The following MTOR variants were observed in gnomAD, a reference collection of about 807,000 sequenced individuals.
MTOR encodes mechanistic target of rapamycin kinase.
MTOR carries 70 observed loss-of-function variants against 319.8 expected under a neutral mutation model. The observed-to-expected ratio is 0.22, with a 90% confidence interval of 0.18 to 0.27. The LOEUF (loss-of-function observed/expected upper bound fraction) is 0.27, where lower values mean the gene tolerates loss of function less well. Among genes scored for constraint, MTOR ranks in the 10% least tolerant of loss-of-function variants. The probability of loss-of-function intolerance (pLI) is 1.00; values close to 1 mark genes in which losing one functional copy is unlikely to be tolerated. For synonymous variants in MTOR, 1,183 were observed against 1,211.4 expected (o/e 0.98, Z 0.49); for missense variants, 1,890 against 3,274.4 (o/e 0.58, Z 10.32).
At chr1:11,192,622 G>T (rs1281896843) in intron 28 of MTOR, among the ~76,000 whole-genome samples, 2 of 151,874 alleles carry the variant, frequency 1.3e-5, no homozygotes, top group African/African-American at 4.8e-5. Flanking sequence ...GCCAGGCATG[G>T]TGGTGGGCAC....
chr1:11,258,882 CCT>C (rs1325103290), intron 2 of MTOR, among the ~76,000 whole-genome samples: 1 of 152,194 alleles, frequency 6.6e-6, no homozygotes, highest in Non-Finnish European at 1.5e-5. Flanking sequence ...CTGTCTCTGA[CCT>C]CAAGTCTGGT....
intron 29 of MTOR, among the ~76,000 whole-genome samples, chr1:11,164,583 T>C (rs1428163002): frequency 3.3e-5 from 5 of 152,154 alleles, no homozygotes; most frequent in Non-Finnish European, 7.4e-5. Flanking sequence ...TAACTGGCTC[T>C]GAAATTGAGG....
At chr1:11,155,386 C>T (rs1644286137) in intron 30 of MTOR, among the ~76,000 whole-genome samples, 2 of 151,964 alleles carry the variant, frequency 1.3e-5, no homozygotes, top group Admixed American at 6.6e-5. Context: ...CACACCTTGG[C>T]ATACTGAATA....
chr1:11,201,301 G>C (rs1480451627), intron 26 of MTOR, among the ~76,000 whole-genome samples: 4 of 152,146 alleles, frequency 2.6e-5, no homozygotes, highest in Admixed American at 6.5e-5. Context: ...AGAGGTGACT[G>C]GAGAGAAAAG....
intron 11 of MTOR, among the ~76,000 whole-genome samples, chr1:11,239,784 A>G (rs1647748779): frequency 6.6e-6 from 1 of 152,072 alleles, no homozygotes; most frequent in Non-Finnish European, 1.5e-5. Flanking sequence ...ACGCGCCTAT[A>G]GTCCCAGCTA....
At chr1:11,253,213 T>C (rs1649929942) in intron 6 of MTOR, among the ~76,000 whole-genome samples, 1 of 152,104 alleles carries the variant, frequency 6.6e-6, no homozygotes, top group Non-Finnish European at 1.5e-5. Context: ...TTGAAGGCTG[T>C]TTCCCTAATA....
Position 11,115,503 on chromosome 1 carries a change from A to T in MTOR, c.7017-35T>A. The T allele has an allele frequency of 1.3e-6, 2 of 1,591,682 alleles. No individual in the cohort carries two copies. Among genetic ancestry groups the T allele is most frequent in the Non-Finnish European group, 1.7e-6 (2 of 1,159,550 alleles). ...ACAGAAGACAGATCAGGGAGGGATC[A>T]ACAGAGATAACGGATGAAAAAATCA... On this transcript the variant is annotated intron_variant, in intron 50 of 57. Transcript: ENST00000361445. This position sits in a 1 kb window ranked among gnomAD's most constrained non-coding sequence, Gnocchi z 4.5.
Position 11,212,704 on chromosome 1 carries a change from A to C in MTOR, c.3398+92T>G. The C allele has an allele frequency of 8.0e-7, 1 of 1,255,178 alleles. No homozygotes were observed. The highest frequency in any genetic ancestry group is 1.1e-6 in the Non-Finnish European group (1 of 879,788). The allele number at this position is 1,255,178 out of a possible 1,614,324, so 77.8% of individuals were successfully genotyped here. On this transcript the variant is annotated intron_variant, in intron 22 of 57. Coordinates refer to ENST00000361445, the MANE Select transcript of MTOR (RefSeq NM_004958.4). The surrounding 1 kb of genome is among the most constrained non-coding windows in gnomAD (Gnocchi z 4.1). ...TAATGTGAGTTGAAATAACAAAAAA[A>C]ATAGAAAGATGGCCTGGGAACTTAA... is the stretch of plus-strand genomic sequence containing the variant.
intron 28 of MTOR, among the ~76,000 whole-genome samples, chr1:11,193,366 C>T (rs1042135004): frequency 2.5e-4 from 38 of 152,108 alleles, no homozygotes; most frequent in Non-Finnish European, 5.9e-5. Flanking sequence ...CACTCACCCC[C>T]GGGCCCAATT....
Position 11,139,613 on chromosome 1 carries a change from G to A in MTOR, c.4918C>T (p.Arg1640Trp), listed in dbSNP as rs766533620. The part of the protein sequence containing the change: ...VEDWQKILMV[R>W]SLVVSPHEDM... Reference sequence around the variant, plus strand: ...TCATGAGGGCTGACCACAAGGGACCGCACCATAAGGATTTTCTGCCAGTCC... The same window carrying A: ...TCATGAGGGCTGACCACAAGGGACCACACCATAAGGATTTTCTGCCAGTCC... Residue 1640 changes from arginine to tryptophan, a missense_variant, in exon 35 of 58, where the codon CGG becomes TGG. By Grantham distance (101) the Arg-to-Trp change is moderately radical. Transcript: ENST00000361445. 6.2e-7 allele frequency: 1 copy of A among 1,614,174 alleles called. No individual in the cohort carries two copies.
At chr1:11,168,835 TG>T (rs1399212385) in intron 28 of MTOR, among the ~76,000 whole-genome samples, 1 of 152,178 alleles carries the variant, frequency 6.6e-6, no homozygotes, top group African/African-American at 2.4e-5. Flanking sequence ...TAGGAACTTA[TG>T]CAACTAAGCT....
chr1:11,190,061 T>C, intron 28 of MTOR: 1 of 1,355,760 alleles, frequency 7.4e-7, no homozygotes, highest in Non-Finnish European at 1.0e-6. Context: ...CTTTTGTGGG[T>C]ACACTTTCCC....
intron 28 of MTOR, among the ~76,000 whole-genome samples, chr1:11,184,668 T>C (rs1163845633): frequency 1.3e-5 from 2 of 152,108 alleles, no homozygotes; most frequent in Non-Finnish European, 2.9e-5. Flanking sequence ...GAGTTCCAGG[T>C]TTCAGTAAGC....
intron 28 of MTOR, among the ~76,000 whole-genome samples, chr1:11,191,929 G>A (rs1042196351): frequency 6.6e-6 from 1 of 152,158 alleles, no homozygotes; most frequent in African/African-American, 2.4e-5. Context: ...TCTGACAGGA[G>A]TATCTGTTAC....
At chr1:11,166,489 T>A (rs1644647411) in intron 29 of MTOR, among the ~76,000 whole-genome samples, 1 of 151,966 alleles carries the variant, frequency 6.6e-6, no homozygotes, top group African/African-American at 2.4e-5. Context: ...AAAAGACACA[T>A]GAAAAAATGC....
chr1:11,240,060 A>T (rs1647801561), intron 11 of MTOR, among the ~76,000 whole-genome samples: 1 of 152,200 alleles, frequency 6.6e-6, no homozygotes, highest in Admixed American at 6.5e-5. Context: ...CTGAAGCATT[A>T]TTTCCTTGGA....
chr1:11,258,718 GT>G, intron 2 of MTOR, 125 bp from the exon 3 acceptor site: 1 of 639,356 alleles, frequency 1.6e-6, no homozygotes, highest in Non-Finnish European at 2.7e-6. Flanking sequence ...AAGAAGACAA[GT>G]TACTGCCCAT....
At chr1:11,240,952 C>T (rs1335867116) in intron 10 of MTOR, among the ~76,000 whole-genome samples, 1 of 151,816 alleles carries the variant, frequency 6.6e-6, no homozygotes, top group Non-Finnish European at 1.5e-5. Flanking sequence ...AGGCATGGTG[C>T]TAAGAGTGAC....
chr1:11,213,755 A>G (rs1371858144), intron 20 of MTOR, among the ~76,000 whole-genome samples, 189 bp from the exon 21 acceptor site: 1 of 152,078 alleles, frequency 6.6e-6, no homozygotes. Flanking sequence ...GACAAACTCA[A>G]TTGCATTTCC....
Sources: gnomAD v4.1 joint callset for allele counts (sites outside exome capture counted in the v4.1 genomes callset) on GRCh38, gnomAD v4.1.1 for gene constraint, Gnocchi (gnomAD v3.1) non-coding constraint, MANE v1.5 for transcripts, NCBI Gene and HGNC (gene_info 2026-07-23, HGNC 2026-07-21) for gene names.